Variants in ATG4C observed in about 807,000 individuals in gnomAD.
ATG4C encodes cysteine protease ATG4C.
Under a neutral mutation model 57.6 loss-of-function variants are expected in ATG4C, and 56 were observed. That is an observed-to-expected ratio of 0.97 (90% CI 0.78 to 1.21). The LOEUF (loss-of-function observed/expected upper bound fraction) is 1.21, where lower values mean the gene tolerates loss of function less well. Ranked by LOEUF, ATG4C falls within the 50% of genes most tolerant of loss-of-function variation. The probability of loss-of-function intolerance (pLI) is 0.00; values close to 1 mark genes in which losing one functional copy is unlikely to be tolerated. For missense variants in ATG4C, 595 were observed against 529.8 expected, an observed-to-expected ratio of 1.12 and a Z score of -1.21; for synonymous variants, 157 against 174.1, an observed-to-expected ratio of 0.90 and a Z score of 0.78.
intron 1 of ATG4C, among the ~76,000 whole-genome samples, chr1:62,798,800 ATGCCT>A (rs1372507156): frequency 7.2e-5 from 11 of 152,076 alleles, no homozygotes; most frequent in Non-Finnish European, 1.6e-4. Context: ...ATGCACCACC[ATGCCT>A]GGCTAATTTT....
intron 9 of ATG4C, among the ~76,000 whole-genome samples, chr1:62,838,951 T>C (rs960506881): frequency 2.6e-5 from 4 of 152,158 alleles, no homozygotes; most frequent in Admixed American, 1.3e-4. Context: ...GAATAACAAT[T>C]TAGTGTTTGT....
chr1:62,847,325 C>T (rs1053818734), intron 10 of ATG4C, among the ~76,000 whole-genome samples: 2 of 152,180 alleles, frequency 1.3e-5, no homozygotes, highest in Admixed American at 6.5e-5. Flanking sequence ...GAATGTCTGT[C>T]TGGAGCTGGA....
intron 10 of ATG4C, among the ~76,000 whole-genome samples, chr1:62,843,193 A>G (rs1035280883): frequency 1.3e-5 from 2 of 152,200 alleles, no homozygotes; most frequent in Non-Finnish European, 2.9e-5. Flanking sequence ...ATATTTTCTA[A>G]TTAAAGACAC....
At chr1:62,852,791 C>A (rs1352269845) in intron 10 of ATG4C, among the ~76,000 whole-genome samples, 2 of 151,008 alleles carry the variant, frequency 1.3e-5, no homozygotes, top group Non-Finnish European at 2.9e-5. Context: ...CTGTCAACTA[C>A]CTAGCGGTAA....
intron 6 of ATG4C, among the ~76,000 whole-genome samples, chr1:62,825,033 C>T (rs748361300): frequency 3.9e-5 from 6 of 151,922 alleles, no homozygotes; most frequent in East Asian, 1.9e-4. Context: ...GTCAGGAGTT[C>T]GAGACCAGCC....
chr1:62,798,957 G>A (rs1478461387), intron 1 of ATG4C, among the ~76,000 whole-genome samples: 1 of 152,090 alleles, frequency 6.6e-6, no homozygotes, highest in African/African-American at 2.4e-5. Flanking sequence ...ATTTATTTTT[G>A]AGACAGTATC....
intron 10 of ATG4C, among the ~76,000 whole-genome samples, chr1:62,850,854 GTATATATATATATATA>G (rs1161449502): frequency 0.01 from 847 of 84,138 alleles, 22 homozygotes; most frequent in African/African-American, 0.024. Context: ...GTGTATGTAT[GTATATATATATATATA>G]TATATATATA....
intron 10 of ATG4C, among the ~76,000 whole-genome samples, chr1:62,848,153 T>TGTTG (rs1267000996): frequency 6.6e-6 from 1 of 152,144 alleles, no homozygotes; most frequent in African/African-American, 2.4e-5. Flanking sequence ...AGTTCTTTTT[T>TGTTG]GTTTGTTTGT....
rs190603183 is a variant in ATG4C at position 62,850,331 on chromosome 1, G to C, written c.1209+8784G>C. ...CATCTTCCTTGAGATTATTGCGGTA[G>C]CTCCCTAACTGATCTCCCTTGCTCT... On this transcript the variant is annotated intron_variant, in intron 10 of 10. Coordinates refer to ENST00000317868, the MANE Select transcript of ATG4C (RefSeq NM_032852.4). Among the ~76,000 whole-genome samples the C allele has an allele frequency of 7.2e-3, 1,089 of 152,142 alleles. 8 individuals are homozygous for C. The highest frequency in any genetic ancestry group is 0.065 in the Middle Eastern group (19 of 294).
At chr1:62,840,631 T>C (rs1666138501) in intron 9 of ATG4C, among the ~76,000 whole-genome samples, 1 of 152,232 alleles carries the variant, frequency 6.6e-6, no homozygotes, top group Non-Finnish European at 1.5e-5. Flanking sequence ...ATTACTTTTA[T>C]ATTCTGCCCT....
chr1:62,785,649 G>T (rs919481932), intron 1 of ATG4C, among the ~76,000 whole-genome samples: 3 of 152,116 alleles, frequency 2.0e-5, no homozygotes, highest in Non-Finnish European at 4.4e-5. Context: ...TGAGTTTGCA[G>T]CTCGTTTTCT....
In ATG4C at chr1:62,784,251, A is replaced by C. The variant is rs910535009; in HGVS notation, c.-91A>C. ...GTTGGTGGCTCCTGCACATTTTTACAGTTCTCCAGTCCTTCTCTTTCGGTG... is the reference window on the plus strand; with the variant it reads ...GTTGGTGGCTCCTGCACATTTTTACCGTTCTCCAGTCCTTCTCTTTCGGTG... On this transcript the variant is annotated 5_prime_UTR_variant, in exon 1 of 11. Coordinates refer to ENST00000317868, the MANE Select transcript of ATG4C (RefSeq NM_032852.4). 1 of 152,646 alleles carries C rather than the reference A, an allele frequency of 6.6e-6. No homozygotes were observed. Among genetic ancestry groups the C allele is most frequent in the African/African-American group, 2.4e-5 (1 of 41,398 alleles). The allele number at this position is 152,646 out of a possible 1,614,324, so 9.5% of individuals were successfully genotyped here. A position where few individuals can be genotyped will look rare whatever the true frequency, so the allele number is the denominator to read the frequency against.
intron 3 of ATG4C, among the ~76,000 whole-genome samples, chr1:62,811,566 C>T (rs975831895): frequency 2.0e-5 from 3 of 152,094 alleles, no homozygotes; most frequent in Non-Finnish European, 2.9e-5. Context: ...TTTTAATAAG[C>T]CTCATCTTTC....
rs532858040 is a variant in ATG4C, at chr1:62,824,730, C to T, written c.796+3521C>T. ...TTGACCAGGCTGGAGTGCAGTGGTG[C>T]GATCATAGCTCACTGTTACCTCAAA... On this transcript the variant is annotated intron_variant, in intron 6 of 10. Coordinates refer to ENST00000317868, the MANE Select transcript of ATG4C (RefSeq NM_032852.4). Among the ~76,000 whole-genome samples, 326 of 147,194 alleles carry T rather than the reference C, an allele frequency of 2.2e-3. 2 individuals carry two copies. Among genetic ancestry groups the T allele is most frequent in the Middle Eastern group, 7.1e-3 (2 of 280 alleles).
chr1:62,805,337 T>G, intron 3 of ATG4C, 82 bp downstream of exon 3: 1 of 1,368,300 alleles, frequency 7.3e-7, no homozygotes, highest in Non-Finnish European at 9.5e-7. Flanking sequence ...TCTAGATTAA[T>G]CTACTTTTGC....
chr1:62,827,369 T>C (rs1224785525), intron 6 of ATG4C, among the ~76,000 whole-genome samples: 4 of 152,224 alleles, frequency 2.6e-5, no homozygotes, highest in African/African-American at 9.6e-5. Context: ...CCCCTAGGTA[T>C]CTGTCTGTAT....
intron 1 of ATG4C, among the ~76,000 whole-genome samples, chr1:62,789,494 T>G (rs977559890): frequency 8.5e-5 from 13 of 152,318 alleles, no homozygotes; most frequent in Middle Eastern, 3.4e-3. Context: ...AGTCCTGGTT[T>G]ATTTTAGTGG....
intron 10 of ATG4C, among the ~76,000 whole-genome samples, chr1:62,846,080 T>G (rs1666318802): frequency 1.3e-5 from 2 of 152,172 alleles, no homozygotes; most frequent in Non-Finnish European, 2.9e-5. Flanking sequence ...ATTAATATGG[T>G]GATTCATTTA....
intron 7 of ATG4C, among the ~76,000 whole-genome samples, chr1:62,829,454 A>C (rs1665773102): frequency 6.6e-6 from 1 of 152,134 alleles, no homozygotes. Flanking sequence ...ATATAGTTAC[A>C]GTTTCATTAT....
Sources: gnomAD v4.1 joint callset for allele counts (sites outside exome capture counted in the v4.1 genomes callset) on GRCh38, gnomAD v4.1.1 for gene constraint, MANE v1.5 for transcripts, NCBI Gene and HGNC (gene_info 2026-07-23, HGNC 2026-07-21) for gene names.